Variants in CSMD1 observed in about 807,000 individuals in gnomAD.
The protein encoded by CSMD1 is CUB and Sushi multiple domains 1.
Under a neutral mutation model 417.5 loss-of-function variants are expected in CSMD1, and 213 were observed. That is an observed-to-expected ratio of 0.51 (90% confidence interval 0.46 to 0.57). The LOEUF is 0.57. Ranked by LOEUF, CSMD1 falls within the 20% of genes least tolerant of loss-of-function variation. The probability of loss-of-function intolerance (pLI) is 0.00; values close to 1 mark genes in which losing one functional copy is unlikely to be tolerated. For missense variants in CSMD1, 6,923 were observed against 4,529.7 expected (o/e 1.53, Z -15.17); for synonymous variants, 2,862 against 1,736.8 (o/e 1.65, Z -16.11).
chr8:3,136,752 T>G (rs1818124075), intron 41 of CSMD1, among the ~76,000 whole-genome samples: 2 of 152,140 alleles, frequency 1.3e-5, no homozygotes. Flanking sequence ...AAAGTAACTG[T>G]GAATCCCACC....
intron 1 of CSMD1, among the ~76,000 whole-genome samples, chr8:4,762,986 G>C (rs1812216932): frequency 6.6e-6 from 1 of 152,156 alleles, no homozygotes; most frequent in East Asian, 1.9e-4. Flanking sequence ...GGAGGAGACA[G>C]ATAAGGAAGC....
intron 2 of CSMD1, among the ~76,000 whole-genome samples, chr8:4,467,595 A>G (rs1800260804): frequency 6.6e-6 from 1 of 152,212 alleles, no homozygotes; most frequent in Non-Finnish European, 1.5e-5. Context: ...TCCCTTTTCA[A>G]GAGTCAGTGC....
At chr8:4,869,697 C>G (rs1056880398) in intron 1 of CSMD1, among the ~76,000 whole-genome samples, 1 of 151,934 alleles carries the variant, frequency 6.6e-6, no homozygotes, top group Non-Finnish European at 1.5e-5. Flanking sequence ...GATTATTAAT[C>G]TTGAAAATAC....
At chr8:3,032,543 G>A (rs1220934494) in intron 50 of CSMD1, among the ~76,000 whole-genome samples, 1 of 152,006 alleles carries the variant, frequency 6.6e-6, no homozygotes, top group African/African-American at 2.4e-5. Flanking sequence ...ACAGAACTGT[G>A]ACTCTCGCGA....
chr8:2,984,827 C>T (rs1472175481), intron 54 of CSMD1, among the ~76,000 whole-genome samples: 2 of 152,208 alleles, frequency 1.3e-5, no homozygotes, highest in African/African-American at 2.4e-5. Context: ...ATACCACCAT[C>T]GACTTCAGAT....
Position 3,354,721 on chromosome 8 carries a change from T to C in CSMD1, c.3304+4431A>G, listed in dbSNP as rs895082970. Among the ~76,000 whole-genome samples the C allele has an allele frequency of 4.0e-5, 6 of 151,636 alleles. No individual in the cohort carries two copies. In the East Asian group the frequency reaches 7.7e-4, roughly 20 times the overall value. On this transcript the variant is annotated intron_variant, in intron 21 of 69. Transcript: ENST00000635120. ...GAAACTAACATTTTAGCTTAGAACG[T>C]TGTTTCAATTTTTTAACCCAAAATT... is the stretch of plus-strand genomic sequence containing the variant.
chr8:3,892,531 CAA>C (rs563082953), intron 5 of CSMD1, among the ~76,000 whole-genome samples: 2 of 38,272 alleles, frequency 5.2e-5, no homozygotes, highest in Non-Finnish European at 9.3e-5. Flanking sequence ...AGGAATTTTG[CAA>C]AAATAATAAT....
intron 33 of CSMD1, among the ~76,000 whole-genome samples, chr8:3,198,112 TATTAC>T (rs1796799985): frequency 2.0e-5 from 3 of 152,242 alleles, no homozygotes; most frequent in Non-Finnish European, 4.4e-5. Context: ...GATGAAAACG[TATTAC>T]TTTAAATAAG....
At chr8:3,947,193 G>A (rs1267747240) in intron 5 of CSMD1, among the ~76,000 whole-genome samples, 1 of 152,174 alleles carries the variant, frequency 6.6e-6, no homozygotes, top group Non-Finnish European at 1.5e-5. Flanking sequence ...GGGTTCAGGA[G>A]GTTTCTCTCA....
chr8:3,394,296 T>A (rs994313076), intron 17 of CSMD1, among the ~76,000 whole-genome samples: 1 of 148,258 alleles, frequency 6.7e-6, no homozygotes, highest in African/African-American at 2.5e-5. Flanking sequence ...TAAAATATTA[T>A]TATTATAATA....
At chr8:4,554,396 C>A (rs1473666682) in intron 2 of CSMD1, among the ~76,000 whole-genome samples, 1 of 152,172 alleles carries the variant, frequency 6.6e-6, no homozygotes, top group Non-Finnish European at 1.5e-5. Flanking sequence ...CTCGGCCTCC[C>A]AAAGTGCTAC....
chr8:4,217,427 G>T (rs748521979), intron 3 of CSMD1, among the ~76,000 whole-genome samples: 6 of 152,058 alleles, frequency 3.9e-5, no homozygotes, highest in Non-Finnish European at 8.8e-5. Flanking sequence ...TTTTATAATG[G>T]TGATATAAGA....
intron 1 of CSMD1, among the ~76,000 whole-genome samples, chr8:4,886,361 G>A (rs1413067499): frequency 1.3e-5 from 2 of 151,784 alleles, no homozygotes; most frequent in African/African-American, 2.4e-5. Flanking sequence ...TATTATAAAT[G>A]TATATTCCTT....
chr8:3,595,020 C>G (rs950686902), intron 8 of CSMD1, among the ~76,000 whole-genome samples: 2 of 152,242 alleles, frequency 1.3e-5, no homozygotes, highest in Non-Finnish European at 2.9e-5. Flanking sequence ...TGTGCAGTCT[C>G]TCAGCATCCA....
At chr8:3,135,500 C>A (rs1474804072) in intron 41 of CSMD1, among the ~76,000 whole-genome samples, 5 of 132,284 alleles carry the variant, frequency 3.8e-5, no homozygotes, top group African/African-American at 1.4e-4. Flanking sequence ...TGAGTGAAGT[C>A]TGCTGATCAC....
chr8:3,560,378 T>A (rs556729951), intron 10 of CSMD1, among the ~76,000 whole-genome samples: 1 of 152,118 alleles, frequency 6.6e-6, no homozygotes, highest in Non-Finnish European at 1.5e-5. Flanking sequence ...ATGAGGACAT[T>A]GAGAGTCAAG....
At chr8:4,158,614 AATG>A (rs1796973255) in intron 3 of CSMD1, among the ~76,000 whole-genome samples, 1 of 152,118 alleles carries the variant, frequency 6.6e-6, no homozygotes, top group Admixed American at 6.5e-5. Context: ...CTGGCCCAGA[AATG>A]ATAATTTTCA....
At chr8:3,866,505 T>G (rs1327783320) in intron 5 of CSMD1, among the ~76,000 whole-genome samples, 2 of 152,238 alleles carry the variant, frequency 1.3e-5, no homozygotes, top group Non-Finnish European at 2.9e-5. Flanking sequence ...GTGCCTGACG[T>G]GGTAAAGCAT....
chr8:4,068,725 A>C (rs1430241178), intron 3 of CSMD1, among the ~76,000 whole-genome samples: 1 of 152,186 alleles, frequency 6.6e-6, no homozygotes, highest in Non-Finnish European at 1.5e-5. Context: ...AGAAATAACT[A>C]TGCCTGCGCT....
Sources: allele counts gnomAD v4.1 joint callset (sites outside exome capture counted in the v4.1 genomes callset), GRCh38; gene constraint gnomAD v4.1.1; transcripts MANE v1.5; gene names NCBI Gene and HGNC (gene_info 2026-07-23, HGNC 2026-07-21).